The following ZNF664 variants were observed in gnomAD, a reference collection of about 807,000 sequenced individuals.
The protein encoded by ZNF664 is zinc finger protein 664.
Under a neutral mutation model 18.2 loss-of-function variants are expected in ZNF664, and 10 were observed. The observed-to-expected ratio is 0.55, with a 90% CI of 0.34 to 0.93. ZNF664 has a LOEUF of 0.93. Ranked by LOEUF, ZNF664 falls within the 40% of genes least tolerant of loss-of-function variation. The pLI is 0.02. For missense variants in ZNF664, 193 were observed against 319.0 expected, an observed-to-expected ratio of 0.61 and a Z score of 3.01; for synonymous variants, 119 against 104.2, an observed-to-expected ratio of 1.14 and a Z score of -0.86.
intron 3 of ZNF664, among the ~76,000 whole-genome samples, chr12:123,991,754 C>T (rs1023982790): frequency 1.3e-5 from 2 of 152,208 alleles, no homozygotes; most frequent in Non-Finnish European, 2.9e-5. Context: ...TGTGAGAGGA[C>T]TTGGCTGAAG....
intron 3 of ZNF664, among the ~76,000 whole-genome samples, chr12:124,003,792 A>G (rs1418224397): frequency 2.6e-5 from 4 of 152,104 alleles, no homozygotes; most frequent in African/African-American, 9.7e-5. Context: ...GAGAAAGGAG[A>G]ATGATGAAGT....
Position 124,012,040 on chromosome 12 carries a change from G to A in ZNF664, c.-105G>A, listed in dbSNP as rs186047104. ...TACCTAATAGAGCAAGCCTGAGATA[G>A]ACTGCCAAAATGGCCAAATAAGAGA... On this transcript the variant is annotated 5_prime_UTR_variant, in exon 5 of 5. The change abolishes the stop of an existing upstream ORF in the 5' untranslated region. Coordinates refer to ENST00000337815, the MANE Select transcript of ZNF664 (RefSeq NM_152437.3). The A allele has an allele frequency of 8.2e-6, 12 of 1,468,072 alleles. No homozygotes were observed. The East Asian group carries it at 2.9e-4, about 36-fold the overall frequency. The allele number at this position is 1,468,072 out of a possible 1,614,324, so 90.9% of individuals were successfully genotyped here.
In ZNF664 at chr12:124,012,031, C is replaced by G; in HGVS notation, c.-114C>G. The G allele has an allele frequency of 6.8e-7, 1 of 1,460,436 alleles. No individual in the cohort carries two copies. Among genetic ancestry groups the G allele is most frequent in the Non-Finnish European group, 9.0e-7 (1 of 1,115,586 alleles). 90.5% of individuals were successfully genotyped at this position (1,460,436 alleles called of 1,614,324 possible). On this transcript the variant is annotated 5_prime_UTR_variant, in exon 5 of 5. Transcript: ENST00000337815. ...CCTTAAACTTACCTAATAGAGCAAG[C>G]CTGAGATAGACTGCCAAAATGGCCA...
chr12:123,998,919 G>T (rs914498100), intron 3 of ZNF664, among the ~76,000 whole-genome samples: 1 of 152,122 alleles, frequency 6.6e-6, no homozygotes. Flanking sequence ...TGTCAGGGTG[G>T]GCTGGCTTCT....
chr12:124,012,328 G>C lies in ZNF664; in HGVS notation c.184G>C (p.Asp62His). The C allele has an allele frequency of 6.2e-7, 1 of 1,614,220 alleles. No homozygotes were observed. Reference protein sequence around the residue: ...DHTGEKVYKCDDCGKDFSTTT... With the variant: ...DHTGEKVYKCHDCGKDFSTTT... ...TACAGGAGAGAAGGTCTATAAATGT[G>C]ATGATTGTGGTAAGGATTTTAGCAC... Residue 62 changes from aspartate (D) to histidine (H), a missense_variant, in exon 5 of 5, where the codon GAT becomes CAT. This residue lies in a region of ZNF664 where 90 missense variants were observed against 118.9 expected (regional missense o/e 0.76). Transcript: ENST00000337815.
chr12:124,014,908 CT>C lies in ZNF664; in HGVS notation c.*1980del, dbSNP rs1291353491. 4 of 167,086 alleles carry C rather than the reference CT, an allele frequency of 2.4e-5. No individual in the cohort carries two copies. The highest frequency in any genetic ancestry group is 5.9e-5 in the Non-Finnish European group (4 of 68,128). The allele number at this position is 167,086 out of a possible 1,614,324, so 10.4% of individuals were successfully genotyped here. A position where few individuals can be genotyped will look rare whatever the true frequency, so the allele number is the denominator to read the frequency against. ...CTGCTAACAAGCCTTTGGTAAGTCA[CT>C]TCAGATACTTTTCCTCCTTTTTACA... On this transcript the variant is annotated 3_prime_UTR_variant, in exon 5 of 5. Transcript: ENST00000337815.
Position 124,012,199 on chromosome 12 carries a change from T to C in ZNF664, c.55T>C (p.Phe19Leu). Residue 19 changes from phenylalanine (F) to leucine (L), a missense_variant, in exon 5 of 5, where the codon TTT becomes CTT. Phe to Leu is a conservative substitution (Grantham distance 22). Coordinates refer to ENST00000337815, the MANE Select transcript of ZNF664 (RefSeq NM_152437.3). The part of the protein sequence containing the change: ...REFFSERADL[F>L]MHQKIHTAEK... ...ATTTTTCTCTGAGAGAGCAGATCTT[T>C]TTATGCATCAGAAAATTCACACAGC... 1 of 1,613,872 alleles carries C rather than the reference T, an allele frequency of 6.2e-7. No homozygotes were observed. The highest frequency in any genetic ancestry group is 8.5e-7 in the Non-Finnish European group (1 of 1,179,980).
chr12:123,978,800 C>T (rs1044172790), intron 2 of ZNF664, among the ~76,000 whole-genome samples: 3 of 152,102 alleles, frequency 2.0e-5, no homozygotes, highest in African/African-American at 7.2e-5. Flanking sequence ...ATGGTGAACA[C>T]AAGAATAGAC....
Position 123,973,984 on chromosome 12 carries a change from A to G in ZNF664, c.-793A>G, listed in dbSNP as rs945694092. Reference sequence around the variant, plus strand: ...AAGGCTGCTGCCGCCGGACGCCTCCATTGTTTGACCACAACAAGGGCCGGA... The same window carrying G: ...AAGGCTGCTGCCGCCGGACGCCTCCGTTGTTTGACCACAACAAGGGCCGGA... On this transcript the variant is annotated 5_prime_UTR_variant, in exon 2 of 5. Transcript: ENST00000337815. 6 of 1,231,810 alleles carry G rather than the reference A, an allele frequency of 4.9e-6. No individual in the cohort carries two copies. Among genetic ancestry groups the G allele is most frequent in the Admixed American group, 4.2e-5 (1 of 23,708 alleles). The allele number at this position is 1,231,810 out of a possible 1,614,324, so 76.3% of individuals were successfully genotyped here.
intron 3 of ZNF664, among the ~76,000 whole-genome samples, chr12:124,007,081 G>A (rs1005773361): frequency 6.6e-6 from 1 of 152,274 alleles, no homozygotes; most frequent in East Asian, 1.9e-4. Context: ...CTGTGTGTTG[G>A]CCTTTCTGTT....
chr12:123,975,117 C>T (rs1314354772), intron 2 of ZNF664, among the ~76,000 whole-genome samples: 1 of 152,112 alleles, frequency 6.6e-6, no homozygotes, highest in Non-Finnish European at 1.5e-5. Context: ...CTGTAAATGG[C>T]CTGCTCTGTC....
At chr12:123,977,435 A>G (rs1956707209) in intron 2 of ZNF664, among the ~76,000 whole-genome samples, 1 of 151,160 alleles carries the variant, frequency 6.6e-6, no homozygotes, top group South Asian at 2.1e-4. Context: ...TGAATACCAG[A>G]AATAACCTAC....
intron 3 of ZNF664, among the ~76,000 whole-genome samples, chr12:123,992,574 C>T (rs1011811527): frequency 1.3e-5 from 2 of 152,152 alleles, no homozygotes; most frequent in African/African-American, 4.8e-5. Context: ...TTATTAACAG[C>T]ATGTTCGGGA....
At position 124,011,684 on chromosome 12, in the gene ZNF664, A is replaced by C; in HGVS notation, c.-461A>C. 9.9e-7 allele frequency: 1 copy of C among 1,007,344 alleles called. No individual in the cohort carries two copies. The highest frequency in any genetic ancestry group is 1.2e-6 in the Non-Finnish European group (1 of 846,686). 62.4% of individuals were successfully genotyped at this position (1,007,344 alleles called of 1,614,324 possible). A position where few individuals can be genotyped will look rare whatever the true frequency, so the allele number is the denominator to read the frequency against. On this transcript the variant is annotated 5_prime_UTR_variant, in exon 5 of 5. Transcript: ENST00000337815. ...TGCCAAACTGACTCTTCAAGGGGCA[A>C]CTGCAGGGGCTCGAGACCAGCCAGC...
chr12:123,990,897 T>C (rs1956881336), intron 3 of ZNF664, among the ~76,000 whole-genome samples: 2 of 152,264 alleles, frequency 1.3e-5, no homozygotes, highest in South Asian at 4.1e-4. Context: ...TATTTTTTTC[T>C]GTTACCTCAT....
chr12:123,974,210 T>G (rs1304581710), intron 2 of ZNF664, 190 bp downstream of exon 2: 2 of 415,226 alleles, frequency 4.8e-6, no homozygotes, highest in African/African-American at 4.1e-5. Context: ...CCCCCAGAAC[T>G]CAGCTCCTTT....
At chr12:123,976,801 T>A (rs1488967443) in intron 2 of ZNF664, among the ~76,000 whole-genome samples, 4 of 151,270 alleles carry the variant, frequency 2.6e-5, no homozygotes, top group Admixed American at 1.3e-4. Context: ...AAAAAAAAGA[T>A]CCTGGCCATG....
chr12:123,988,887 C>G (rs1333508479), intron 3 of ZNF664, among the ~76,000 whole-genome samples: 2 of 152,120 alleles, frequency 1.3e-5, no homozygotes, highest in African/African-American at 4.8e-5. Flanking sequence ...CAGTCTAGAT[C>G]TCTGTGATTC....
At chr12:123,975,574 A>G (rs1956680361) in intron 2 of ZNF664, among the ~76,000 whole-genome samples, 1 of 152,046 alleles carries the variant, frequency 6.6e-6, no homozygotes, top group Non-Finnish European at 1.5e-5. Context: ...GACTACAACC[A>G]TGTGCCACCA....
Sources: allele counts gnomAD v4.1 joint callset (sites outside exome capture counted in the v4.1 genomes callset), GRCh38; gene constraint gnomAD v4.1.1; regional missense constraint gnomAD v4.1.1; transcripts MANE v1.5; gene names NCBI Gene and HGNC (gene_info 2026-07-23, HGNC 2026-07-21).